Variants in NDST4 observed in about 807,000 individuals in gnomAD.
NDST4 encodes N-deacetylase and N-sulfotransferase 4.
In NDST4, 63 loss-of-function variants were observed where a neutral mutation model predicts 100.8. The ratio of observed to expected loss-of-function variants is 0.62; its 90% CI spans 0.51 to 0.77. The LOEUF (loss-of-function observed/expected upper bound fraction) is 0.77. Ranked by LOEUF, NDST4 falls within the 30% of genes least tolerant of loss-of-function variation. The pLI is 0.00. For synonymous variants in NDST4, 377 were observed against 361.8 expected (o/e 1.04, Z -0.48); for missense variants, 943 against 1,018.4 (o/e 0.93, Z 1.01).
chr4:114,932,136 T>C (rs1396138435), intron 6 of NDST4, among the ~76,000 whole-genome samples: 2 of 151,962 alleles, frequency 1.3e-5, no homozygotes, highest in South Asian at 2.1e-4. Flanking sequence ...AATCAAAACA[T>C]TAATACACCA....
Position 115,010,592 on chromosome 4 carries a change from C to T in NDST4, c.979-33318G>A, listed in dbSNP as rs568262843. Among the ~76,000 whole-genome samples, 8 of 127,678 alleles carry T rather than the reference C, an allele frequency of 6.3e-5. 3 individuals carry two copies. The highest frequency in any genetic ancestry group is 1.8e-4 in the African/African-American group (6 of 33,674). The allele number at this position is 127,678 out of a possible 152,430, so 83.8% of individuals were successfully genotyped here. ...AAGAGATATACCTTATGCTAAATGA[C>T]GAGTTAATGTGTGCAGCACACCAGC... On this transcript the variant is annotated intron_variant, in intron 2 of 13. Coordinates refer to ENST00000264363, the MANE Select transcript of NDST4 (RefSeq NM_022569.3).
chr4:115,080,703 TGTGTG>T (rs1303192238), intron 1 of NDST4, among the ~76,000 whole-genome samples: 3 of 56,372 alleles, frequency 5.3e-5, no homozygotes, highest in Non-Finnish European at 9.1e-5. Flanking sequence ...TGTGTGTGTG[TGTGTG>T]TAATAATGAA....
At chr4:115,057,773 G>T (rs1728732688) in intron 2 of NDST4, among the ~76,000 whole-genome samples, 1 of 151,184 alleles carries the variant, frequency 6.6e-6, no homozygotes, top group South Asian at 2.1e-4. Flanking sequence ...AAAGGGCAGT[G>T]TTCAGATATG....
At chr4:114,908,017 G>T (rs1215597447) in intron 6 of NDST4, among the ~76,000 whole-genome samples, 1 of 151,988 alleles carries the variant, frequency 6.6e-6, no homozygotes, top group East Asian at 1.9e-4. Flanking sequence ...AAGATTTTTG[G>T]CTTAACAAAA....
intron 1 of NDST4, among the ~76,000 whole-genome samples, chr4:115,086,413 T>A (rs552187485): frequency 6.6e-6 from 1 of 152,104 alleles, no homozygotes; most frequent in East Asian, 1.9e-4. Context: ...TACCCATAAA[T>A]AACCAGTTGA....
At chr4:114,998,958 T>A (rs1252037914) in intron 2 of NDST4, among the ~76,000 whole-genome samples, 1 of 152,034 alleles carries the variant, frequency 6.6e-6, no homozygotes. Flanking sequence ...TGAAAATGCA[T>A]CTTGTTTATC....
chr4:115,089,750 T>C (rs555528699), intron 1 of NDST4, among the ~76,000 whole-genome samples: 11 of 152,030 alleles, frequency 7.2e-5, no homozygotes, highest in African/African-American at 2.6e-4. Context: ...TTCAATGTTA[T>C]AATGTTTTAA....
chr4:115,036,847 C>T (rs776941212), intron 2 of NDST4, among the ~76,000 whole-genome samples: 4 of 151,980 alleles, frequency 2.6e-5, no homozygotes, highest in Non-Finnish European at 5.9e-5. Flanking sequence ...ATAGGGAACA[C>T]AATTATATAA....
chr4:114,892,889 G>A (rs919422303), intron 6 of NDST4, among the ~76,000 whole-genome samples: 3 of 151,178 alleles, frequency 2.0e-5, no homozygotes, highest in Non-Finnish European at 4.4e-5. Flanking sequence ...CATTCTCTAA[G>A]TTCCTTCCCT....
chr4:114,870,389 G>T (rs2126196638), intron 7 of NDST4, among the ~76,000 whole-genome samples: 1 of 152,174 alleles, frequency 6.6e-6, no homozygotes, highest in South Asian at 2.1e-4. Context: ...ATAAATCTTA[G>T]ATTCCAGTGG....
At chr4:114,955,989 T>G (rs529364791) in intron 4 of NDST4, 1 of 152,358 alleles carries the variant, frequency 6.6e-6, no homozygotes, top group South Asian at 2.1e-4. Context: ...AGAAGTTCTA[T>G]TCTAGTTAAC....
chr4:114,898,094 A>T (rs1347512705), intron 6 of NDST4, among the ~76,000 whole-genome samples: 1 of 152,110 alleles, frequency 6.6e-6, no homozygotes, highest in Non-Finnish European at 1.5e-5. Flanking sequence ...TTCATGAATC[A>T]TGCCTTTGGT....
At chr4:114,975,891 A>G (rs1210192170) in intron 3 of NDST4, among the ~76,000 whole-genome samples, 1 of 152,130 alleles carries the variant, frequency 6.6e-6, no homozygotes, top group South Asian at 2.1e-4. Context: ...TTACAAAACC[A>G]TGTCTATTTT....
chr4:115,091,159 T>A (rs1051423465), intron 1 of NDST4, among the ~76,000 whole-genome samples: 4 of 152,222 alleles, frequency 2.6e-5, no homozygotes, highest in East Asian at 3.9e-4. Flanking sequence ...TTTTGATACA[T>A]CTTGGTTTCA....
chr4:114,919,782 G>A (rs1725250503), intron 6 of NDST4, among the ~76,000 whole-genome samples: 2 of 152,174 alleles, frequency 1.3e-5, no homozygotes, highest in Non-Finnish European at 2.9e-5. Context: ...TGTGGCCAGA[G>A]AGATAGCAAT....
At chr4:114,952,011 TG>T (rs922420585) in intron 4 of NDST4, among the ~76,000 whole-genome samples, 8 of 152,160 alleles carry the variant, frequency 5.3e-5, no homozygotes, top group Admixed American at 1.3e-4. Flanking sequence ...GCCTATCCCC[TG>T]GGGGGAAACC....
rs112175433 is a variant in NDST4, at chr4:115,027,700, A to G, written c.978+48359T>C. Among the ~76,000 whole-genome samples the G allele has an allele frequency of 6.4e-3, 980 of 152,234 alleles. 13 individuals carry two copies. The highest frequency in any genetic ancestry group is 0.022 in the African/African-American group (919 of 41,558). On this transcript the variant is annotated intron_variant, in intron 2 of 13. Transcript: ENST00000264363. ...ATTTTGGTATCCTGTTGGAAACTTA[A>G]ATTTTAATATCATGTTAAAACACCA...
chr4:115,077,310 A>G (rs1729209853), intron 1 of NDST4, 28 bp from the exon 2 acceptor site: 2 of 207,786 alleles, frequency 9.6e-6, no homozygotes, highest in East Asian at 1.1e-4. Flanking sequence ...TGTAATAACT[A>G]AGATAAAAAT....
At chr4:114,834,526 A>C (rs1453501153) in intron 11 of NDST4, among the ~76,000 whole-genome samples, 1 of 151,938 alleles carries the variant, frequency 6.6e-6, no homozygotes, top group African/African-American at 2.4e-5. Flanking sequence ...AAAAAAAAAA[A>C]AAAAAAAAAG....
Sources: allele counts gnomAD v4.1 joint callset (sites outside exome capture counted in the v4.1 genomes callset), GRCh38; gene constraint gnomAD v4.1.1; transcripts MANE v1.5; gene names NCBI Gene and HGNC (gene_info 2026-07-23, HGNC 2026-07-21).